Variants in NSD2 observed in about 807,000 individuals in gnomAD.
NSD2 encodes histone-lysine N-methyltransferase NSD2.
A neutral mutation model predicts 139.0 loss-of-function variants in NSD2; 12 were observed. The ratio of observed to expected loss-of-function variants is 0.09; its 90% CI spans 0.06 to 0.14. The LOEUF is 0.14. Among genes scored for constraint, NSD2 ranks in the 10% least tolerant of loss-of-function variants. The pLI is 1.00. For synonymous variants in NSD2, 669 were observed against 648.7 expected (o/e 1.03, Z -0.48); for missense variants, 1,155 against 1,745.0 (o/e 0.66, Z 6.02).
In NSD2 at chr4:1,948,519, G is replaced by T. The variant is rs751699153; in HGVS notation, c.1882-2553G>T. 5.6e-6 allele frequency: 6 copies of T among 1,064,268 alleles called. No homozygotes were observed. The African/African-American group carries it at 8.2e-5, about 15-fold the overall frequency. The allele number at this position is 1,064,268 out of a possible 1,614,324, so 65.9% of individuals were successfully genotyped here. A position where few individuals can be genotyped will look rare whatever the true frequency, so the allele number is the denominator to read the frequency against. The stretch of plus-strand genomic sequence containing the variant: ...GAGCCGAGAGCATTGGATCCTCCCC[G>T]ACTGTGGCTAGTTGTCTGTCCGGTG... On this transcript the variant is annotated intron_variant, in intron 9 of 21. Coordinates refer to ENST00000508803, the MANE Select transcript of NSD2 (RefSeq NM_001042424.3). This position sits in a 1 kb window ranked among gnomAD's most constrained non-coding sequence, Gnocchi z 4.5.
At chr4:1,890,207 A>G (rs1314130179) in intron 1 of NSD2, among the ~76,000 whole-genome samples, 3 of 152,208 alleles carry the variant, frequency 2.0e-5, no homozygotes, top group African/African-American at 7.2e-5. Context: ...TTGTTCAACC[A>G]TTCATCAGTT....
intron 1 of NSD2, among the ~76,000 whole-genome samples, chr4:1,886,814 T>C (rs1356367493): frequency 6.6e-6 from 1 of 151,966 alleles, no homozygotes; most frequent in Non-Finnish European, 1.5e-5. Flanking sequence ...ACTTGAGCCT[T>C]GGGACAGAGC....
At chr4:1,940,795 G>T in intron 9 of NSD2, 3 of 1,058,968 alleles carry the variant, frequency 2.8e-6, no homozygotes, top group Non-Finnish European at 3.4e-6. Flanking sequence ...TGCCTCAGTT[G>T]TTTCCACTCA....
chr4:1,937,174 C>A (rs1430648265), intron 7 of NSD2, among the ~76,000 whole-genome samples: 3 of 152,080 alleles, frequency 2.0e-5, no homozygotes, highest in African/African-American at 2.4e-5. Context: ...GCCTCAGACT[C>A]CCGAGTAGCT....
At chr4:1,891,395 A>C (rs1009607017) in intron 1 of NSD2, among the ~76,000 whole-genome samples, 2 of 152,192 alleles carry the variant, frequency 1.3e-5, no homozygotes, top group African/African-American at 4.8e-5. Context: ...GGTCCGTCTC[A>C]CGGCCTGGCT....
intron 1 of NSD2, among the ~76,000 whole-genome samples, chr4:1,873,470 T>C (rs1714020047): frequency 6.6e-6 from 1 of 152,210 alleles, no homozygotes; most frequent in Admixed American, 6.5e-5. Flanking sequence ...TTCTATGCAA[T>C]CAGCTTATCC....
chr4:1,960,051 G>T (rs1010543847), intron 17 of NSD2, among the ~76,000 whole-genome samples: 1 of 152,002 alleles, frequency 6.6e-6, no homozygotes, highest in African/African-American at 2.4e-5. Context: ...TGGAGATGGG[G>T]TCTTGCTGTG....
chr4:1,905,722 C>G (rs1717804170), intron 3 of NSD2, among the ~76,000 whole-genome samples: 1 of 152,208 alleles, frequency 6.6e-6, no homozygotes, highest in Non-Finnish European at 1.5e-5. Context: ...GCCTCCTGTC[C>G]TGTGCCATGT....
At chr4:1,912,466 T>G (rs995148174) in intron 3 of NSD2, among the ~76,000 whole-genome samples, 1 of 152,228 alleles carries the variant, frequency 6.6e-6, no homozygotes, top group African/African-American at 2.4e-5. Flanking sequence ...ACCTTTTGTT[T>G]CCCTTGGAAT....
At chr4:1,894,674 TAAAAAA>T (rs61535099) in intron 1 of NSD2, among the ~76,000 whole-genome samples, 1 of 104,020 alleles carries the variant, frequency 9.6e-6, no homozygotes, top group Non-Finnish European at 2.2e-5. Flanking sequence ...CCTGTCTCAA[TAAAAAA>T]AAAAAAAAAA....
In NSD2 at chr4:1,982,095, T is replaced by C. The variant is rs762277303; in HGVS notation, c.*3186T>C. The C allele has an allele frequency of 4.3e-4, 169 of 396,878 alleles. No individual in the cohort carries two copies. The highest frequency in any genetic ancestry group is 6.9e-4 in the Non-Finnish European group (155 of 225,572). The allele number at this position is 396,878 out of a possible 1,614,324, so 24.6% of individuals were successfully genotyped here. A position where few individuals can be genotyped will look rare whatever the true frequency, so the allele number is the denominator to read the frequency against. On this transcript the variant is annotated 3_prime_UTR_variant, in exon 22 of 22. Transcript: ENST00000508803. ...GGGAGGGATATACTGAAATAGAGAG[T>C]TGAGACTTGCCAGTTGGGGGAAAAT...
intron 9 of NSD2, chr4:1,941,010 G>A (rs909702248): frequency 9.5e-6 from 10 of 1,057,838 alleles, no homozygotes; most frequent in Middle Eastern, 4.2e-4. Context: ...AGTTTGATAC[G>A]TGTAGATAAT....
chr4:1,885,064 C>A (rs1714979631), intron 1 of NSD2, among the ~76,000 whole-genome samples: 1 of 151,154 alleles, frequency 6.6e-6, no homozygotes, highest in South Asian at 2.1e-4. Context: ...GAGCCGAGAT[C>A]ATGCCATTGT....
intron 18 of NSD2, among the ~76,000 whole-genome samples, chr4:1,968,510 A>G (rs1402168629): frequency 2.0e-5 from 3 of 152,226 alleles, no homozygotes; most frequent in Non-Finnish European, 4.4e-5. Flanking sequence ...AAATGAATAG[A>G]AGTGGAAGGT....
chr4:1,933,740 C>T (rs1464525567), intron 6 of NSD2, among the ~76,000 whole-genome samples: 2 of 152,102 alleles, frequency 1.3e-5, no homozygotes. Context: ...CCCTGAACCC[C>T]TCCGTAAAGC....
intron 18 of NSD2, among the ~76,000 whole-genome samples, chr4:1,968,267 A>G (rs1022883342): frequency 2.0e-5 from 3 of 152,212 alleles, no homozygotes; most frequent in Non-Finnish European, 2.9e-5. Flanking sequence ...GTTTGTGGGT[A>G]TGTGGATATG....
intron 1 of NSD2, among the ~76,000 whole-genome samples, chr4:1,898,020 T>TC (rs1716596430): frequency 6.6e-6 from 1 of 152,206 alleles, no homozygotes; most frequent in Non-Finnish European, 1.5e-5. Context: ...CCTTTTTTTT[T>TC]CCCTCCTCCT....
At chr4:1,920,256 TC>T (rs1363410622) in intron 5 of NSD2, among the ~76,000 whole-genome samples, 1 of 151,998 alleles carries the variant, frequency 6.6e-6, no homozygotes, top group Non-Finnish European at 1.5e-5. Context: ...TTGAGGCTAG[TC>T]TGGCCTACAT....
At chr4:1,895,771 G>C (rs1177936363) in intron 1 of NSD2, among the ~76,000 whole-genome samples, 1 of 152,190 alleles carries the variant, frequency 6.6e-6, no homozygotes, top group Non-Finnish European at 1.5e-5. Flanking sequence ...ACTCATTCTA[G>C]ACCTGTTTTG....
Sources: gnomAD v4.1 joint callset for allele counts (sites outside exome capture counted in the v4.1 genomes callset) on GRCh38, gnomAD v4.1.1 for gene constraint, Gnocchi (gnomAD v3.1) non-coding constraint, MANE v1.5 for transcripts, NCBI Gene and HGNC (gene_info 2026-07-23, HGNC 2026-07-21) for gene names.